The following TRMT9B variants were observed in gnomAD, a reference collection of about 807,000 sequenced individuals.
TRMT9B encodes probable tRNA methyltransferase 9B.
TRMT9B carries 16 observed loss-of-function variants against 11.5 expected under a neutral mutation model. That is an observed-to-expected ratio of 1.39 (90% CI 0.94 to 2.11). The LOEUF is 2.11. Ranked by LOEUF, TRMT9B falls within the 30% of genes most tolerant of loss-of-function variation. The pLI is 0.00. For missense variants in TRMT9B, 941 were observed against 553.8 expected, an observed-to-expected ratio of 1.70 and a Z score of -7.02; for synonymous variants, 274 against 192.4, an observed-to-expected ratio of 1.42 and a Z score of -3.51.
chr8:12,978,729 A>G (rs1804862306), intron 1 of TRMT9B, among the ~76,000 whole-genome samples: 1 of 152,130 alleles, frequency 6.6e-6, no homozygotes, highest in Non-Finnish European at 1.5e-5. Context: ...CAGCGTCTCA[A>G]CTCTGGTTAG....
intron 4 of TRMT9B, 43 bp downstream of exon 4, chr8:13,012,900 A>G (rs1811921564): frequency 1.9e-6 from 3 of 1,602,998 alleles, no homozygotes; most frequent in Non-Finnish European, 2.6e-6. Flanking sequence ...CCATGAGAAT[A>G]ATTGACCCGG....
Position 13,027,986 on chromosome 8 carries a change from A to C in TRMT9B, c.*5942A>C, listed in dbSNP as rs945289408. The C allele has an allele frequency of 5.4e-5, 9 of 167,102 alleles. No homozygotes were observed. The highest frequency in any genetic ancestry group is 2.2e-4 in the African/African-American group (9 of 41,594). 10.4% of individuals were successfully genotyped at this position (167,102 alleles called of 1,614,324 possible). On this transcript the variant is annotated 3_prime_UTR_variant, in exon 5 of 5. Coordinates refer to ENST00000524591, the MANE Select transcript of TRMT9B (RefSeq NM_020844.3). ...AAACATTTAAAAAGATCTCTCACCA[A>C]ACAAGGATTGAAATTGTATTGCAAA...
At chr8:13,007,339 C>T (rs1472798872) in intron 3 of TRMT9B, 1 of 152,152 alleles carries the variant, frequency 6.6e-6, no homozygotes, top group African/African-American at 2.4e-5. Flanking sequence ...AAATCAAGAA[C>T]TGGTAAACCA....
intron 1 of TRMT9B, among the ~76,000 whole-genome samples, chr8:12,975,037 G>C (rs1476580260): frequency 6.7e-6 from 1 of 150,072 alleles, no homozygotes; most frequent in African/African-American, 2.5e-5. Context: ...TTTTTTTTTA[G>C]TTGAGATATT....
intron 1 of TRMT9B, chr8:12,952,350 G>T (rs1239415192): frequency 6.1e-6 from 2 of 326,034 alleles, no homozygotes; most frequent in East Asian, 1.1e-4. Flanking sequence ...CCCGGGTCTG[G>T]CCGCCTGGGT....
Position 13,013,806 on chromosome 8 carries a change from C to T in TRMT9B, c.328+949C>T, listed in dbSNP as rs191655016. Among the ~76,000 whole-genome samples, 1,083 of 152,010 alleles carry T rather than the reference C, an allele frequency of 7.1e-3. 13 individuals are homozygous for T. Among genetic ancestry groups the T allele is most frequent in the African/African-American group, 0.025 (1,044 of 41,458 alleles). ...CTCTACTAAAAATACAAAAATTAGC[C>T]GGGCATGGTACAAGCGCCTGTAGTC... On this transcript the variant is annotated intron_variant, in intron 4 of 4. Transcript: ENST00000524591.
At chr8:13,004,422 G>A (rs1436511157) in intron 2 of TRMT9B, among the ~76,000 whole-genome samples, 2 of 151,598 alleles carry the variant, frequency 1.3e-5, no homozygotes, top group East Asian at 2.0e-4. Flanking sequence ...TTCTGCTTGA[G>A]GAGAGGAGAG....
intron 1 of TRMT9B, among the ~76,000 whole-genome samples, chr8:12,980,933 T>C (rs1805269117): frequency 6.6e-6 from 1 of 151,128 alleles, no homozygotes; most frequent in Non-Finnish European, 1.5e-5. Flanking sequence ...AATTCTTTTT[T>C]GTTTGTTTGT....
chr8:12,954,138 A>G (rs976598555), intron 1 of TRMT9B, among the ~76,000 whole-genome samples: 1 of 152,202 alleles, frequency 6.6e-6, no homozygotes, highest in African/African-American at 2.4e-5. Context: ...TTAAATTGGA[A>G]GGTCAATGGG....
chr8:12,979,529 A>T (rs1272646826), intron 1 of TRMT9B, among the ~76,000 whole-genome samples: 2 of 152,160 alleles, frequency 1.3e-5, no homozygotes, highest in African/African-American at 4.8e-5. Flanking sequence ...TCTTAAGCTC[A>T]TTCAAATGCC....
At chr8:12,964,809 C>A (rs1389494891) in intron 1 of TRMT9B, among the ~76,000 whole-genome samples, 1 of 152,088 alleles carries the variant, frequency 6.6e-6, no homozygotes, top group Non-Finnish European at 1.5e-5. Context: ...CTAGGCTGGT[C>A]TCAAACTCCT....
chr8:13,008,474 G>A (rs1468903199), intron 3 of TRMT9B, among the ~76,000 whole-genome samples: 2 of 152,170 alleles, frequency 1.3e-5, no homozygotes, highest in African/African-American at 2.4e-5. Context: ...TGCACTGTGA[G>A]TATTTAAGTC....
intron 1 of TRMT9B, among the ~76,000 whole-genome samples, chr8:12,965,146 C>G (rs1252971588): frequency 2.6e-5 from 4 of 152,170 alleles, no homozygotes; most frequent in Non-Finnish European, 5.9e-5. Context: ...GGTGTTATTC[C>G]CTGCTTCAGT....
chr8:13,011,463 C>T (rs1371367693), intron 3 of TRMT9B: 1 of 985,162 alleles, frequency 1.0e-6, no homozygotes, highest in East Asian at 1.1e-4. Flanking sequence ...GATATCTTTT[C>T]AGGTAGAAAA....
At chr8:12,949,618 C>G (rs1292080491) in intron 1 of TRMT9B, among the ~76,000 whole-genome samples, 1 of 152,124 alleles carries the variant, frequency 6.6e-6, no homozygotes, top group African/African-American at 2.4e-5. Flanking sequence ...GTTGGTAACT[C>G]ATGTCATAGT....
chr8:12,979,683 T>C (rs1344446439), intron 1 of TRMT9B, among the ~76,000 whole-genome samples: 1 of 152,112 alleles, frequency 6.6e-6, no homozygotes, highest in Non-Finnish European at 1.5e-5. Context: ...CCGTACACCA[T>C]TGGTTGTCAG....
chr8:12,999,696 A>G (rs934288320), intron 2 of TRMT9B, among the ~76,000 whole-genome samples: 3 of 152,202 alleles, frequency 2.0e-5, no homozygotes, highest in Admixed American at 6.5e-5. Context: ...GAAGTTCAGA[A>G]TCTAGTAGAA....
At chr8:12,965,756 T>C (rs541899848) in intron 1 of TRMT9B, among the ~76,000 whole-genome samples, 81 of 152,166 alleles carry the variant, frequency 5.3e-4, no homozygotes, top group African/African-American at 1.9e-3. Flanking sequence ...CTCACGCCTG[T>C]AATCCCAGCA....
intron 2 of TRMT9B, among the ~76,000 whole-genome samples, chr8:12,995,821 G>T (rs1444705745): frequency 1.3e-5 from 2 of 152,080 alleles, no homozygotes; most frequent in Non-Finnish European, 2.9e-5. Context: ...TTTTCAGAAA[G>T]ATTTTATTCT....
Sources: gnomAD v4.1 joint callset for allele counts (sites outside exome capture counted in the v4.1 genomes callset) on GRCh38, gnomAD v4.1.1 for gene constraint, MANE v1.5 for transcripts, NCBI Gene and HGNC (gene_info 2026-07-23, HGNC 2026-07-21) for gene names.